The following ZNF37A variants were observed in gnomAD, a reference collection of about 807,000 sequenced individuals.
ZNF37A encodes zinc finger protein 37a (KOX 21).
Under a neutral mutation model 12.3 loss-of-function variants are expected in ZNF37A, and 10 were observed. The observed-to-expected ratio is 0.82, with a 90% CI of 0.50 to 1.38. The LOEUF is 1.38. Among genes scored for constraint, ZNF37A ranks in the 40% most tolerant of loss-of-function variants. The pLI is 0.00. For missense variants in ZNF37A, 580 were observed against 651.2 expected, an observed-to-expected ratio of 0.89 and a Z score of 1.19; for synonymous variants, 207 against 223.0, an observed-to-expected ratio of 0.93 and a Z score of 0.64.
At chr10:38,097,858 G>A (rs1447076940) in intron 5 of ZNF37A, among the ~76,000 whole-genome samples, 1 of 151,960 alleles carries the variant, frequency 6.6e-6, no homozygotes, top group African/African-American at 2.4e-5. Flanking sequence ...ACTTTAGTAC[G>A]TTCACAATGT....
At chr10:38,097,055 G>A (rs2067206797) in intron 5 of ZNF37A, among the ~76,000 whole-genome samples, 1 of 152,220 alleles carries the variant, frequency 6.6e-6, no homozygotes, top group Non-Finnish European at 1.5e-5. Context: ...CTGATAAAGA[G>A]TTGATGAAGA....
chr10:38,140,604 A>G (rs2070169321), intron 7 of ZNF37A: 3 of 152,242 alleles, frequency 2.0e-5, no homozygotes, highest in Admixed American at 2.0e-4. Context: ...ATACATATAC[A>G]TAGAGATTGA....
At chr10:38,135,843 T>C (rs1219654244) in intron 7 of ZNF37A, among the ~76,000 whole-genome samples, 1 of 152,134 alleles carries the variant, frequency 6.6e-6, no homozygotes, top group African/African-American at 2.4e-5. Context: ...AAAACCACCC[T>C]CATGATTCAA....
At chr10:38,106,782 A>ATC (rs1172681469) in intron 5 of ZNF37A, among the ~76,000 whole-genome samples, 2 of 152,090 alleles carry the variant, frequency 1.3e-5, no homozygotes, top group Non-Finnish European at 2.9e-5. Context: ...TTAATGAAAT[A>ATC]AAGTGAGAAA....
At chr10:38,112,456 C>A (rs1209069570) in intron 5 of ZNF37A, among the ~76,000 whole-genome samples, 3 of 151,850 alleles carry the variant, frequency 2.0e-5, no homozygotes, top group African/African-American at 7.3e-5. Context: ...ATTTCAAGGT[C>A]TGATTGCAAA....
At chr10:38,112,748 T>C (rs182230988) in intron 5 of ZNF37A, among the ~76,000 whole-genome samples, 1,314 of 73,116 alleles carry the variant, frequency 0.018, 130 homozygotes, top group Non-Finnish European at 0.024. Context: ...TTCTTTTCTT[T>C]TCTTTTCTTT....
At chr10:38,109,281 T>G (rs2068420751) in intron 5 of ZNF37A, among the ~76,000 whole-genome samples, 2 of 152,082 alleles carry the variant, frequency 1.3e-5, no homozygotes, top group Admixed American at 1.3e-4. Context: ...TCGAGAAAAT[T>G]CAACACCCCT....
chr10:38,132,398 AT>A (rs1482404702), intron 7 of ZNF37A, among the ~76,000 whole-genome samples: 1 of 152,064 alleles, frequency 6.6e-6, no homozygotes, highest in African/African-American at 2.4e-5. Flanking sequence ...AATAATATGT[AT>A]TGCATTAGTT....
chr10:38,145,855 T>A lies in ZNF37A; in HGVS notation c.239-877T>A, dbSNP rs1457499428. 2.6e-5 allele frequency among the ~76,000 whole-genome samples: 4 copies of A among 152,142 alleles called. No homozygotes were observed. In the East Asian group the frequency reaches 7.7e-4, roughly 29 times the overall value. On this transcript the variant is annotated intron_variant, in intron 7 of 7. Transcript: ENST00000638053. ...GGCTTATGCCTCTAATCCCAGCAAT[T>A]TGGGAGGCTGAGGCGGGCAGATCAC...
chr10:38,100,243 C>T (rs192474245), intron 5 of ZNF37A, among the ~76,000 whole-genome samples: 36 of 152,270 alleles, frequency 2.4e-4, no homozygotes, highest in Admixed American at 1.3e-3. Flanking sequence ...ACCGCAGGAC[C>T]GGTGCGAAAT....
chr10:38,112,773 T>TCTCGG (rs1564932263), intron 5 of ZNF37A, among the ~76,000 whole-genome samples: 3 of 65,636 alleles, frequency 4.6e-5, no homozygotes, highest in Non-Finnish European at 6.7e-5. Flanking sequence ...TTCTTTTCTT[T>TCTCGG]TCTTTTCTTT....
intron 5 of ZNF37A, among the ~76,000 whole-genome samples, 194 bp from the exon 6 acceptor site, chr10:38,114,561 C>T (rs1366666679): frequency 1.3e-5 from 2 of 152,164 alleles, no homozygotes; most frequent in Admixed American, 6.5e-5. Flanking sequence ...TAAATTAATG[C>T]ACCAACAGGA....
intron 7 of ZNF37A, 95 bp downstream of exon 7, chr10:38,115,385 T>C (rs543228197): frequency 2.0e-6 from 3 of 1,491,378 alleles, no homozygotes; most frequent in South Asian, 2.7e-5. Context: ...TTAGGAATCA[T>C]GTTTTAGAGG....
chr10:38,133,041 G>C (rs1342639885), intron 7 of ZNF37A, among the ~76,000 whole-genome samples: 1 of 151,876 alleles, frequency 6.6e-6, no homozygotes, highest in Non-Finnish European at 1.5e-5. Flanking sequence ...TAAACTTTAA[G>C]ATTTAAAGTT....
chr10:38,096,536 G>A (rs373108201), intron 4 of ZNF37A, 38 bp from the exon 5 acceptor site: 87 of 1,485,004 alleles, frequency 5.9e-5, no homozygotes, highest in Non-Finnish European at 6.4e-5. Flanking sequence ...ACCTTTTAAG[G>A]CAAGTGACAT....
chr10:38,147,666 T>C (rs2070271737), exon 8 of ZNF37A: 1 of 152,132 alleles, frequency 6.6e-6, no homozygotes, highest in African/African-American at 2.4e-5. Context: ...AAAAAAGATA[T>C]TTCAATGAAA....
chr10:38,140,657 T>C (rs1590949680), intron 7 of ZNF37A: 1 of 152,360 alleles, frequency 6.6e-6, no homozygotes, highest in Admixed American at 6.5e-5. Context: ...TATTGCTTGT[T>C]CTGTCTGCTA....
At chr10:38,145,377 AAGAG>A (rs1389495678) in intron 7 of ZNF37A, among the ~76,000 whole-genome samples, 1 of 152,200 alleles carries the variant, frequency 6.6e-6, no homozygotes, top group Admixed American at 6.5e-5. Flanking sequence ...TGTACCTACT[AAGAG>A]AGGCTGTGAG....
At position 38,123,991 on chromosome 10, in the gene ZNF37A, C is replaced by T. The variant is rs1211538731; in HGVS notation, c.*5154C>T. 1 of 152,024 alleles carries T rather than the reference C, an allele frequency of 6.6e-6. No homozygotes were observed. Among genetic ancestry groups the T allele is most frequent in the African/African-American group, 2.4e-5 (1 of 41,378 alleles). 9.4% of individuals were successfully genotyped at this position (152,024 alleles called of 1,614,324 possible). On this transcript the variant is annotated 3_prime_UTR_variant, in exon 8 of 8. Coordinates refer to ENST00000685332, the MANE Select transcript of ZNF37A (RefSeq NM_001324250.3). ...ACAATTCCACTGGTAGTTATATACC[C>T]CAAAGACAGGAAATCAGTATATTGA...
Sources: gnomAD v4.1 joint callset for allele counts (sites outside exome capture counted in the v4.1 genomes callset) on GRCh38, gnomAD v4.1.1 for gene constraint, MANE v1.5 for transcripts, NCBI Gene and HGNC (gene_info 2026-07-23, HGNC 2026-07-21) for gene names.